The following KIRREL1 variants were observed in gnomAD, a reference collection of about 807,000 sequenced individuals.
KIRREL1 encodes kin of IRRE-like protein 1.
KIRREL1 carries 25 observed loss-of-function variants against 83.3 expected under a neutral mutation model. That is an observed-to-expected ratio of 0.30 (90% CI 0.22 to 0.42). The LOEUF is 0.42. KIRREL1 is among the 10% of genes least tolerant of loss of function. KIRREL1 has a pLI of 1.00. For missense variants in KIRREL1, 812 were observed against 1,032.3 expected (o/e 0.79, Z 2.92); for synonymous variants, 388 against 410.4 (o/e 0.95, Z 0.66).
chr1:158,038,175 C>T (rs1215954912), intron 1 of KIRREL1, among the ~76,000 whole-genome samples: 2 of 152,236 alleles, frequency 1.3e-5, no homozygotes, highest in East Asian at 1.9e-4. Context: ...TGACTCCATC[C>T]GTTCTCCTCA....
chr1:158,016,325 G>A (rs1659824257), intron 1 of KIRREL1, among the ~76,000 whole-genome samples: 1 of 151,554 alleles, frequency 6.6e-6, no homozygotes, highest in Non-Finnish European at 1.5e-5. Context: ...AGAAAGCAAA[G>A]AAAATGTCAA....
intron 5 of KIRREL1, 95 bp from the exon 6 acceptor site, chr1:158,087,660 C>T (rs982956013): frequency 2.6e-5 from 21 of 805,206 alleles, no homozygotes; most frequent in Non-Finnish European, 4.0e-5. Flanking sequence ...CCTAGATCCC[C>T]GCCAGAGTGG....
At chr1:158,064,543 G>A (rs923683134) in intron 1 of KIRREL1, among the ~76,000 whole-genome samples, 3 of 152,200 alleles carry the variant, frequency 2.0e-5, no homozygotes, top group South Asian at 2.1e-4. Context: ...AGAGCCCTCC[G>A]GAGCATTGCT....
At chr1:158,054,077 G>A (rs1301926471) in intron 1 of KIRREL1, among the ~76,000 whole-genome samples, 1 of 151,686 alleles carries the variant, frequency 6.6e-6, no homozygotes, top group Non-Finnish European at 1.5e-5. Context: ...CAGGTGTGTG[G>A]TGGTGTGTGC....
chr1:158,058,346 G>T (rs1484113241), intron 1 of KIRREL1, among the ~76,000 whole-genome samples: 2 of 152,190 alleles, frequency 1.3e-5, no homozygotes, highest in African/African-American at 4.8e-5. Flanking sequence ...CTGTTCAGCT[G>T]ACACCATAGC....
At chr1:158,021,663 A>G (rs1298710328) in intron 1 of KIRREL1, among the ~76,000 whole-genome samples, 1 of 152,186 alleles carries the variant, frequency 6.6e-6, no homozygotes, top group Non-Finnish European at 1.5e-5. Flanking sequence ...AGGTTACAGG[A>G]TATATATAAA....
chr1:158,014,192 G>C (rs143698519), intron 1 of KIRREL1, among the ~76,000 whole-genome samples: 1 of 151,930 alleles, frequency 6.6e-6, no homozygotes, highest in African/African-American at 2.4e-5. Flanking sequence ...AGATGAGAGA[G>C]ACCTCACTAG....
chr1:158,015,073 G>T (rs1003743531), intron 1 of KIRREL1, among the ~76,000 whole-genome samples: 2 of 152,080 alleles, frequency 1.3e-5, no homozygotes, highest in African/African-American at 4.8e-5. Flanking sequence ...TATTGCCAAA[G>T]TACTCTTTTG....
chr1:158,026,287 C>G (rs982678989), intron 1 of KIRREL1, among the ~76,000 whole-genome samples: 1 of 152,130 alleles, frequency 6.6e-6, no homozygotes, highest in African/African-American at 2.4e-5. Flanking sequence ...AGCCTCTGGC[C>G]GGTGTGGCTT....
chr1:158,089,345 A>C (rs1483375794), intron 8 of KIRREL1, 157 bp from the exon 9 acceptor site: 1 of 1,135,428 alleles, frequency 8.8e-7, no homozygotes, highest in African/African-American at 1.6e-5. Context: ...GTAGAGTCAG[A>C]GCATGGACCA....
At chr1:158,082,042 CCTTTCTCTA>C (rs1661876621) in intron 3 of KIRREL1, among the ~76,000 whole-genome samples, 1 of 152,150 alleles carries the variant, frequency 6.6e-6, no homozygotes, top group Non-Finnish European at 1.5e-5. Context: ...TTTCTCTCCA[CCTTTCTCTA>C]CTTTTCAAGC....
At chr1:158,092,033 C>A (rs763224847) in intron 11 of KIRREL1, among the ~76,000 whole-genome samples, 2 of 152,174 alleles carry the variant, frequency 1.3e-5, no homozygotes, top group African/African-American at 4.8e-5. Context: ...AATAACACGC[C>A]CATCTCATTG....
At chr1:157,994,583 G>C (rs1438589076) in intron 1 of KIRREL1, among the ~76,000 whole-genome samples, 1 of 151,914 alleles carries the variant, frequency 6.6e-6, no homozygotes, top group African/African-American at 2.4e-5. Flanking sequence ...GAGGGAAGAG[G>C]GCTGAGGGAA....
In KIRREL1 at chr1:158,088,423, C is replaced by T. The variant is rs1373368870; in HGVS notation, c.1013C>T (p.Thr338Ile). Reference protein sequence around the residue: ...TCVWVGNPPLTLTWTKKDSNM... With the variant: ...TCVWVGNPPLILTWTKKDSNM... ...GTCTGGGTTGGGAATCCCCCCCTCA[C>T]TCTCACCTGGACCAAAAAGGACTCA... The change falls in exon 8 of 15, where the codon ACT becomes ATT. Residue 338 changes from threonine to isoleucine, a missense_variant. Thr to Ile is a moderately conservative substitution (Grantham distance 89, BLOSUM62 -1). This residue lies in a region of KIRREL1 where 472 missense variants were observed against 626.8 expected (regional missense o/e 0.75). Coordinates refer to ENST00000359209, the MANE Select transcript of KIRREL1 (RefSeq NM_018240.7). 1.9e-6 allele frequency: 3 copies of T among 1,612,372 alleles called. No homozygotes were observed. The highest frequency in any genetic ancestry group is 2.2e-5 in the East Asian group (1 of 44,832).
Position 158,076,122 on chromosome 1 carries a change from C to T in KIRREL1, c.62C>T (p.Thr21Ile), listed in dbSNP as rs62642493. The change falls in exon 2 of 15, where the codon ACC (threonine) becomes ATC (isoleucine). Residue 21 changes from threonine (T) to isoleucine (I), a missense_variant. This residue lies in a region of KIRREL1 where 472 missense variants were observed against 626.8 expected (regional missense o/e 0.75). Transcript: ENST00000359209. ...GGCTTTGGCTTTGCAGGGACCCAGA[C>T]CCGCTTCAGCCAGGAGCCAGCTGAC... Reference protein sequence around the residue: ...LSDTFSQGTQTRFSQEPADQT... With the variant: ...LSDTFSQGTQIRFSQEPADQT... 1,038 of 1,613,928 alleles carry T rather than the reference C, an allele frequency of 6.4e-4. 8 individuals carry two copies. The African/African-American group carries it at 0.012, about 19-fold the overall frequency.
intron 1 of KIRREL1, among the ~76,000 whole-genome samples, chr1:158,023,899 T>C (rs1238262674): frequency 6.6e-6 from 1 of 152,164 alleles, no homozygotes; most frequent in Non-Finnish European, 1.5e-5. Context: ...GAGATAGGAA[T>C]GTGTGGTAGT....
chr1:158,029,220 T>A (rs1221399671), intron 1 of KIRREL1, among the ~76,000 whole-genome samples: 1 of 152,004 alleles, frequency 6.6e-6, no homozygotes, highest in East Asian at 1.9e-4. Context: ...CATTCAGGCA[T>A]AAGACAGAAG....
intron 1 of KIRREL1, among the ~76,000 whole-genome samples, chr1:158,043,616 T>A (rs766027655): frequency 2.6e-5 from 4 of 152,218 alleles, no homozygotes; most frequent in Admixed American, 6.5e-5. Flanking sequence ...TGGCCATATC[T>A]CCCCATTACC....
At chr1:158,084,714 C>T (rs922255586) in intron 4 of KIRREL1, 135 bp downstream of exon 4, 1 of 890,612 alleles carries the variant, frequency 1.1e-6, no homozygotes, top group Non-Finnish European at 1.7e-6. Flanking sequence ...GTTCAACCCT[C>T]TCATTCTACA....
Sources: allele counts gnomAD v4.1 joint callset (sites outside exome capture counted in the v4.1 genomes callset), GRCh38; gene constraint gnomAD v4.1.1; regional missense constraint gnomAD v4.1.1; transcripts MANE v1.5; gene names NCBI Gene and HGNC (gene_info 2026-07-23, HGNC 2026-07-21).